Variants in MAPK10 observed in about 807,000 individuals in gnomAD.
MAPK10 encodes JNK3 alpha protein kinase.
MAPK10 carries 25 observed loss-of-function variants against 59.3 expected under a neutral mutation model. That is an observed-to-expected ratio of 0.42 (90% CI 0.31 to 0.59). The LOEUF (loss-of-function observed/expected upper bound fraction) is 0.59, where lower values mean the gene tolerates loss of function less well. Among genes scored for constraint, MAPK10 ranks in the 20% least tolerant of loss-of-function variants. MAPK10 has a pLI of 0.15. For synonymous variants in MAPK10, 190 were observed against 200.5 expected (o/e 0.95, Z 0.44); for missense variants, 351 against 568.9 (o/e 0.62, Z 3.90).
At chr4:86,190,972 T>C (rs1008627562) in intron 3 of MAPK10, among the ~76,000 whole-genome samples, 5 of 152,262 alleles carry the variant, frequency 3.3e-5, no homozygotes, top group South Asian at 2.1e-4. Flanking sequence ...TTCAAATAAC[T>C]GATTTATTTC....
intron 2 of MAPK10, among the ~76,000 whole-genome samples, chr4:86,353,558 T>C (rs1404079006): frequency 6.6e-6 from 1 of 152,196 alleles, no homozygotes; most frequent in East Asian, 1.9e-4. Context: ...AGTATAGTGA[T>C]GCTATTAGAT....
intron 2 of MAPK10, among the ~76,000 whole-genome samples, chr4:86,300,264 C>T (rs185502700): frequency 1.3e-5 from 2 of 152,278 alleles, no homozygotes; most frequent in Admixed American, 6.5e-5. Flanking sequence ...AAGTGAAATG[C>T]TTCCCGCCCT....
At chr4:86,369,418 A>C (rs1738411245) in intron 1 of MAPK10, among the ~76,000 whole-genome samples, 1 of 152,212 alleles carries the variant, frequency 6.6e-6, no homozygotes, top group Non-Finnish European at 1.5e-5. Flanking sequence ...GGTCTGTCTT[A>C]TCAAACAATA....
upstream of MAPK10, among the ~76,000 whole-genome samples, chr4:86,454,865 T>TA (rs199565532): frequency 9.3e-3 from 1,422 of 152,220 alleles, 15 homozygotes; most frequent in African/African-American, 0.032. Flanking sequence ...AAAAAAATCT[T>TA]AAGAGATGTA....
chr4:86,201,992 C>T (rs1675734838), intron 2 of MAPK10, among the ~76,000 whole-genome samples: 1 of 151,818 alleles, frequency 6.6e-6, no homozygotes, highest in African/African-American at 2.4e-5. Context: ...CTTATACACA[C>T]ATTATAGACC....
chr4:86,198,100 C>T (rs2081797989), intron 2 of MAPK10, among the ~76,000 whole-genome samples: 1 of 152,036 alleles, frequency 6.6e-6, no homozygotes, highest in African/African-American at 2.4e-5. Flanking sequence ...CTCTATGGCC[C>T]TCTCATATTT....
chr4:86,174,468 G>A (rs921165409), intron 3 of MAPK10, among the ~76,000 whole-genome samples: 2 of 152,152 alleles, frequency 1.3e-5, no homozygotes, highest in Admixed American at 1.3e-4. Flanking sequence ...GACCTGTCAG[G>A]GGGGTGGTGG....
At chr4:86,318,808 T>C (rs1221171269) in intron 2 of MAPK10, among the ~76,000 whole-genome samples, 6 of 152,152 alleles carry the variant, frequency 3.9e-5, no homozygotes, top group Non-Finnish European at 7.3e-5. Flanking sequence ...GTATGACACA[T>C]TGGAAAGATC....
intron 2 of MAPK10, among the ~76,000 whole-genome samples, chr4:86,288,039 G>A (rs1379669329): frequency 6.6e-6 from 1 of 152,156 alleles, no homozygotes; most frequent in Admixed American, 6.5e-5. Flanking sequence ...GAATCAGACT[G>A]CAATCAGTCT....
At chr4:86,327,242 C>A (rs1185681540) in intron 2 of MAPK10, 1 of 151,746 alleles carries the variant, frequency 6.6e-6, no homozygotes, top group Non-Finnish European at 1.5e-5. Context: ...CCCAAAGTGC[C>A]GGGATTATAG....
chr4:86,325,202 T>C (rs1439404500), intron 2 of MAPK10, among the ~76,000 whole-genome samples: 1 of 152,184 alleles, frequency 6.6e-6, no homozygotes, highest in Non-Finnish European at 1.5e-5. Context: ...CAGGATTTCA[T>C]AGATCACAGA....
At chr4:86,070,420 T>C (rs759036089) in intron 9 of MAPK10, among the ~76,000 whole-genome samples, 1 of 151,842 alleles carries the variant, frequency 6.6e-6, no homozygotes, top group Non-Finnish European at 1.5e-5. Context: ...CTTTAAGTTT[T>C]AGGGTACATG....
chr4:86,334,953 T>C (rs778274047), intron 2 of MAPK10: 2 of 105,132 alleles, frequency 1.9e-5, no homozygotes, highest in Non-Finnish European at 4.2e-5. Flanking sequence ...TAATAGTCTT[T>C]CACATGTATG....
chr4:86,545,338 T>G (rs1330317105), intron 1 of MAPK10, among the ~76,000 whole-genome samples: 1 of 152,212 alleles, frequency 6.6e-6, no homozygotes, highest in Non-Finnish European at 1.5e-5. Context: ...CCCTCATCCG[T>G]GGCGGGGAGA....
chr4:86,388,344 TA>T (rs1432260834), intron 1 of MAPK10, among the ~76,000 whole-genome samples: 1 of 152,174 alleles, frequency 6.6e-6, no homozygotes, highest in East Asian at 1.9e-4. Context: ...ACTAAGGATA[TA>T]AAAATGTTTG....
At chr4:86,427,622 A>G (rs1395291944) in intron 1 of MAPK10, among the ~76,000 whole-genome samples, 2 of 152,244 alleles carry the variant, frequency 1.3e-5, no homozygotes, top group African/African-American at 4.8e-5. Flanking sequence ...GAAGAGGATT[A>G]AAATGTTTCA....
chr4:86,151,234 T>C (rs2066394448), intron 4 of MAPK10, among the ~76,000 whole-genome samples: 1 of 152,178 alleles, frequency 6.6e-6, no homozygotes, highest in South Asian at 2.1e-4. Context: ...TTTACATGCC[T>C]GAGTCCATCT....
intron 11 of MAPK10, among the ~76,000 whole-genome samples, chr4:86,063,050 G>T (rs768484077): frequency 6.6e-6 from 1 of 152,154 alleles, no homozygotes. Flanking sequence ...AAAATGTAGT[G>T]CAGTCTTCAC....
chr4:86,397,213 A>G (rs1268634227), intron 1 of MAPK10, among the ~76,000 whole-genome samples: 1 of 152,220 alleles, frequency 6.6e-6, no homozygotes, highest in Non-Finnish European at 1.5e-5. Flanking sequence ...AAGAAATTAT[A>G]AATTAAGAAG....
Sources: gnomAD v4.1 joint callset for allele counts (sites outside exome capture counted in the v4.1 genomes callset) on GRCh38, gnomAD v4.1.1 for gene constraint, MANE v1.5 for transcripts, NCBI Gene and HGNC (gene_info 2026-07-23, HGNC 2026-07-21) for gene names.